Variants in MLH3 observed in about 807,000 individuals in gnomAD.
The protein encoded by MLH3 is DNA mismatch repair protein Mlh3.
MLH3 carries 82 observed loss-of-function variants against 122.2 expected under a neutral mutation model. The ratio of observed to expected loss-of-function variants is 0.67; its 90% confidence interval spans 0.56 to 0.81. MLH3 has a LOEUF of 0.81. Ranked by LOEUF, MLH3 falls within the 30% of genes least tolerant of loss-of-function variation. The probability of loss-of-function intolerance (pLI) is 0.00; values close to 1 mark genes in which losing one functional copy is unlikely to be tolerated. For synonymous variants in MLH3, 524 were observed against 599.5 expected, an observed-to-expected ratio of 0.87 and a Z score of 1.84; for missense variants, 1,539 against 1,714.5, an observed-to-expected ratio of 0.90 and a Z score of 1.81.
At chr14:75,029,572 G>A (rs540974159) in intron 9 of MLH3, among the ~76,000 whole-genome samples, 8 of 149,760 alleles carry the variant, frequency 5.3e-5, no homozygotes, top group African/African-American at 2.0e-4. Context: ...TTTCACTCTT[G>A]TTGCCCAGGC....
In MLH3 at chr14:75,048,928, G is replaced by A. The variant is rs200344425; in HGVS notation, c.728C>T (p.Ala243Val). The change falls in exon 2 of 13, where the codon GCA becomes GTA. Residue 243 changes from alanine to valine, a missense_variant. Physicochemically the swap from Ala to Val is moderately conservative, Grantham distance 64. Coordinates refer to ENST00000355774, the MANE Select transcript of MLH3 (RefSeq NM_001040108.2). ...FELSGYISSEAHYNKNMQFLF... is the reference protein window; with the variant it reads ...FELSGYISSEVHYNKNMQFLF... The stretch of plus-strand genomic sequence containing the variant: ...AAACTGCATATTCTTGTTGTAATGT[G>A]CTTCAGAGCTGATATAGCCACTAAG... 18 of 1,612,940 alleles carry A rather than the reference G, an allele frequency of 1.1e-5. No individual in the cohort carries two copies. The African/African-American group carries it at 1.5e-4, about 13-fold the overall frequency.
intron 9 of MLH3, among the ~76,000 whole-genome samples, chr14:75,023,569 GA>G (rs1422619697): frequency 6.6e-6 from 1 of 152,136 alleles, no homozygotes; most frequent in Admixed American, 6.5e-5. Flanking sequence ...CCTTTGTTGA[GA>G]AATTTCTCCT....
Position 75,014,169 on chromosome 14 carries a change from C to T in MLH3, c.*2913G>A. On this transcript the variant is annotated 3_prime_UTR_variant, in exon 13 of 13. Coordinates refer to ENST00000355774, the MANE Select transcript of MLH3 (RefSeq NM_001040108.2). ...CTTACTTGGCGTGGCTTCCTCAGCC[C>T]CCTCCACATCTCAAGAACGTGGCCT... The T allele has an allele frequency of 5.8e-6, 1 of 173,006 alleles. No individual in the cohort carries two copies. Among genetic ancestry groups the T allele is most frequent in the Non-Finnish European group, 1.2e-5 (1 of 80,064 alleles). The allele number at this position is 173,006 out of a possible 1,614,324, so 10.7% of individuals were successfully genotyped here.
rs1359666797 is a variant in MLH3 at position 75,033,507 on chromosome 14, T to G, written c.3644-17A>C. 6.2e-7 allele frequency: 1 copy of G among 1,607,524 alleles called. No homozygotes were observed. The highest frequency in any genetic ancestry group is 8.5e-7 in the Non-Finnish European group (1 of 1,174,262). On this transcript the variant is annotated splice_polypyrimidine_tract_variant and intron_variant, in intron 6 of 12. Transcript: ENST00000355774. ...GGTTCCCACCTAGATGAGCAAGGAT[T>G]GTGAACTTTGATTCTCAGAGCAAGA...
At chr14:75,028,698 G>A (rs1179857839) in intron 9 of MLH3, among the ~76,000 whole-genome samples, 2 of 151,108 alleles carry the variant, frequency 1.3e-5, no homozygotes, top group South Asian at 2.1e-4. Context: ...GATTACAGGC[G>A]TGAGCCACTG....
intron 2 of MLH3, among the ~76,000 whole-genome samples, chr14:75,044,636 T>C (rs1892090387): frequency 6.6e-6 from 1 of 152,152 alleles, no homozygotes; most frequent in African/African-American, 2.4e-5. Context: ...TTTCTCCTAA[T>C]GAATACTACA....
chr14:75,046,619 T>G lies in MLH3; in HGVS notation c.3037A>C (p.Thr1013Pro). The G allele has an allele frequency of 1.2e-6, 2 of 1,614,224 alleles. No individual in the cohort carries two copies. Among genetic ancestry groups the G allele is most frequent in the Non-Finnish European group, 1.7e-6 (2 of 1,180,034 alleles). ...AAACAAATTCCATTTTGGTCACCTG[T>G]GGCATCTTCTACCGGATTCATTAAC... is the stretch of plus-strand genomic sequence containing the variant. Reference protein sequence around the residue: ...GMLMNPVEDATGDQNGICFQS... With the variant: ...GMLMNPVEDAPGDQNGICFQS... The change falls in exon 2 of 13, where the codon ACA (threonine) becomes CCA (proline). Residue 1013 changes from threonine (T) to proline (P), a missense_variant. Transcript: ENST00000355774.
rs1442447298 is a variant in MLH3, at chr14:75,048,328, T to C, written c.1328A>G (p.Tyr443Cys). Reference sequence around the variant, plus strand: ...GCTATGGCCTGGACCACCTGATTCATAAATGTACAAAAATGCATCATTTGT... The same window carrying C: ...GCTATGGCCTGGACCACCTGATTCACAAATGTACAAAAATGCATCATTTGT... ...KNTNDAFLYI[Y>C]ESGGPGHSKM... Residue 443 changes from tyrosine (Y) to cysteine (C), a missense_variant, in exon 2 of 13, where the codon TAT (tyrosine) becomes TGT (cysteine). Transcript: ENST00000355774. 12 of 1,614,118 alleles carry C rather than the reference T, an allele frequency of 7.4e-6. No individual in the cohort carries two copies. Among genetic ancestry groups the C allele is most frequent in the African/African-American group, 1.3e-5 (1 of 75,072 alleles).
chr14:75,036,629 C>A lies in MLH3; in HGVS notation c.3643+1711G>T, dbSNP rs1234017171. The A allele has an allele frequency of 1.5e-5, 7 of 455,970 alleles. 1 individual carries two copies. Among genetic ancestry groups the A allele is most frequent in the South Asian group, 1.1e-4 (7 of 64,542 alleles). 28.2% of individuals were successfully genotyped at this position (455,970 alleles called of 1,614,324 possible). ...AAAGTGCTGGGATTACAGGCGTGAG[C>A]CACCGTGCCTGGCCACCTTGACATC... On this transcript the variant is annotated intron_variant, in intron 6 of 12. Coordinates refer to ENST00000355774, the MANE Select transcript of MLH3 (RefSeq NM_001040108.2).
intron 1 of MLH3, chr14:75,051,159 GCCGAGT>G (rs895625200): frequency 5.3e-5 from 8 of 152,202 alleles, no homozygotes; most frequent in African/African-American, 1.9e-4. Flanking sequence ...GGCCGCGCGG[GCCGAGT>G]CCGGGGCAGC....
intron 6 of MLH3, among the ~76,000 whole-genome samples, chr14:75,033,700 C>T (rs974466475): frequency 1.3e-5 from 2 of 152,118 alleles, no homozygotes; most frequent in African/African-American, 4.8e-5. Flanking sequence ...AATCCCAGAT[C>T]CAATTCTGAA....
intron 6 of MLH3, among the ~76,000 whole-genome samples, chr14:75,035,187 T>A (rs1247559866): frequency 6.6e-6 from 1 of 151,740 alleles, no homozygotes; most frequent in Non-Finnish European, 1.5e-5. Flanking sequence ...GTAGAGATTC[T>A]GATCTCAAAA....
chr14:75,018,223 C>T (rs1595021902), intron 12 of MLH3, among the ~76,000 whole-genome samples: 5 of 152,324 alleles, frequency 3.3e-5, no homozygotes, highest in Admixed American at 3.3e-4. Context: ...TTCTCCTTCA[C>T]TGAAGATTAT....
chr14:75,031,697 C>G (rs979877089), intron 8 of MLH3, among the ~76,000 whole-genome samples: 1 of 152,114 alleles, frequency 6.6e-6, no homozygotes, highest in African/African-American at 2.4e-5. Flanking sequence ...ACCTGTAGTT[C>G]CAGGTACTTG....
chr14:75,020,163 G>A (rs1890180688), intron 11 of MLH3, among the ~76,000 whole-genome samples: 1 of 152,200 alleles, frequency 6.6e-6, no homozygotes, highest in South Asian at 2.1e-4. Flanking sequence ...ACAGGAAGCA[G>A]AAGACCAAAA....
At chr14:75,041,502 CA>C (rs1891849560) in intron 4 of MLH3, 112 bp downstream of exon 4, 1 of 805,928 alleles carries the variant, frequency 1.2e-6, no homozygotes, top group Non-Finnish European at 2.1e-6. Flanking sequence ...GAGCCGAGAT[CA>C]TGCCATTGCA....
chr14:75,047,780 A>C lies in MLH3; in HGVS notation c.1876T>G (p.Ser626Ala), dbSNP rs1177796505. ...EKTKSTETEH[S>A]FKNYVRPGPT... is the part of the protein sequence containing the mutation. ...CCAGGTCTAACATAATTTTTAAATG[A>C]ATGTTCTGTTTCAGTTGATTTAGTT... The change falls in exon 2 of 13, where the codon TCA becomes GCA. Residue 626 changes from serine (S) to alanine (A), a missense_variant. Ser to Ala is a moderately conservative substitution (Grantham distance 99). Coordinates refer to ENST00000355774, the MANE Select transcript of MLH3 (RefSeq NM_001040108.2). 2 of 1,613,918 alleles carry C rather than the reference A, an allele frequency of 1.2e-6. No individual in the cohort carries two copies. The highest frequency in any genetic ancestry group is 2.7e-5 in the African/African-American group (2 of 74,924).
Position 75,047,480 on chromosome 14 carries a change from C to T in MLH3, c.2176G>A (p.Asp726Asn), listed in dbSNP as rs1211956448. 1 of 1,614,110 alleles carries T rather than the reference C, an allele frequency of 6.2e-7. No individual in the cohort carries two copies. The highest frequency in any genetic ancestry group is 1.1e-5 in the South Asian group (1 of 91,084). ...ATTAATTTATCTGTTTTCCTACTAT[C>T]ATTGGAAACGTGTCTATACCAGGGG... Reference protein sequence around the residue: ...SFPWYRHVSNDSRKTDKLIGF... With the variant: ...SFPWYRHVSNNSRKTDKLIGF... The change falls in exon 2 of 13, where the codon GAT (aspartate) becomes AAT (asparagine). Residue 726 changes from aspartate to asparagine, a missense_variant. Asp to Asn is a conservative substitution (Grantham distance 23). Coordinates refer to ENST00000355774, the MANE Select transcript of MLH3 (RefSeq NM_001040108.2).
At chr14:75,043,633 C>A (rs934161345) in intron 2 of MLH3, among the ~76,000 whole-genome samples, 2 of 152,048 alleles carry the variant, frequency 1.3e-5, no homozygotes, top group Non-Finnish European at 2.9e-5. Flanking sequence ...TTGGACTAAA[C>A]CTGGAGAGGT....
Sources: gnomAD v4.1 joint callset for allele counts (sites outside exome capture counted in the v4.1 genomes callset) on GRCh38, gnomAD v4.1.1 for gene constraint, MANE v1.5 for transcripts, NCBI Gene and HGNC (gene_info 2026-07-23, HGNC 2026-07-21) for gene names.